TMEM51: variants seen among roughly 807,000 people sequenced by gnomAD.
TMEM51 encodes the protein transmembrane protein 51.
A neutral mutation model predicts 13.6 loss-of-function variants in TMEM51; 8 were observed. That is an observed-to-expected ratio of 0.59 (90% CI 0.35 to 1.07). The LOEUF (loss-of-function observed/expected upper bound fraction) is 1.07. TMEM51 is among the 50% of genes least tolerant of loss of function. The pLI, the probability that TMEM51 is intolerant of heterozygous loss-of-function variation, is 0.02. For synonymous variants in TMEM51, 147 were observed against 144.4 expected, an observed-to-expected ratio of 1.02 and a Z score of -0.13; for missense variants, 279 against 330.7, an observed-to-expected ratio of 0.84 and a Z score of 1.21.
chr1:15,204,292 G>A lies in TMEM51; in HGVS notation c.-266-6198G>A, dbSNP rs7544716. On this transcript the variant is annotated intron_variant, in intron 1 of 3. Coordinates refer to ENST00000376008, the MANE Select transcript of TMEM51 (RefSeq NM_001136218.2). ...ACCTAGGCTGGGTGAGGTGGCTCACGCCTGTAATCCCAGCACTTTGGGAGG... is the reference window on the plus strand; with the variant it reads ...ACCTAGGCTGGGTGAGGTGGCTCACACCTGTAATCCCAGCACTTTGGGAGG... 3.0e-3 allele frequency among the ~76,000 whole-genome samples: 454 copies of A among 152,340 alleles called. 3 individuals are homozygous for A. Among genetic ancestry groups the A allele is most frequent in the African/African-American group, 0.01 (434 of 41,580 alleles).
At chr1:15,155,870 A>T (rs1347501442) in intron 1 of TMEM51, among the ~76,000 whole-genome samples, 1 of 152,166 alleles carries the variant, frequency 6.6e-6, no homozygotes, top group African/African-American at 2.4e-5. Flanking sequence ...CCTTTCATTC[A>T]AGTTCTCTAA....
At chr1:15,216,628 G>A (rs1644436975) in intron 3 of TMEM51, among the ~76,000 whole-genome samples, 1 of 152,034 alleles carries the variant, frequency 6.6e-6, no homozygotes, top group African/African-American at 2.4e-5. Context: ...GTTTATCCCT[G>A]GGAGACAGTC....
At chr1:15,189,531 G>A (rs1643886231) in intron 1 of TMEM51, among the ~76,000 whole-genome samples, 1 of 152,188 alleles carries the variant, frequency 6.6e-6, no homozygotes, top group African/African-American at 2.4e-5. Context: ...CCAGAGGGTA[G>A]AGATGATGCT....
At chr1:15,158,851 G>A (rs956514857) in intron 1 of TMEM51, among the ~76,000 whole-genome samples, 2 of 152,148 alleles carry the variant, frequency 1.3e-5, no homozygotes, top group Admixed American at 6.5e-5. Flanking sequence ...GTGGTTTTCC[G>A]CTGGATTTTT....
At chr1:15,203,845 C>A (rs1327665379) in intron 1 of TMEM51, among the ~76,000 whole-genome samples, 2 of 152,182 alleles carry the variant, frequency 1.3e-5, no homozygotes, top group Non-Finnish European at 2.9e-5. Flanking sequence ...GATGACAGAG[C>A]TGAGACTGAG....
intron 3 of TMEM51, among the ~76,000 whole-genome samples, 168 bp from the exon 4 acceptor site, chr1:15,219,158 G>A (rs1644473095): frequency 6.6e-6 from 1 of 152,184 alleles, no homozygotes; most frequent in South Asian, 2.1e-4. Context: ...TACTTAGAAG[G>A]GAGCCCAGCT....
chr1:15,168,241 C>T (rs1457927332), intron 1 of TMEM51, among the ~76,000 whole-genome samples: 16 of 152,124 alleles, frequency 1.1e-4, no homozygotes, highest in Admixed American at 1.0e-3. Context: ...ACCCACTAAC[C>T]ACCTGAAATG....
At chr1:15,219,262 C>T (rs983713890) in intron 3 of TMEM51, 64 bp from the exon 4 acceptor site, 1 of 1,508,252 alleles carries the variant, frequency 6.6e-7, no homozygotes, top group African/African-American at 1.4e-5. Context: ...GAGCCCATCC[C>T]TTTGGGATTT....
intron 1 of TMEM51, among the ~76,000 whole-genome samples, chr1:15,204,338 G>A (rs1218555249): frequency 6.6e-6 from 1 of 152,104 alleles, no homozygotes; most frequent in Admixed American, 6.6e-5. Context: ...CGGATCACCT[G>A]AGGTCAGGAG....
intron 1 of TMEM51, among the ~76,000 whole-genome samples, chr1:15,169,124 T>C (rs16851354): frequency 0.23 from 35,367 of 152,088 alleles, 4,515 homozygotes; most frequent in African/African-American, 0.33. Context: ...TTAGCACTTC[T>C]TCTCCAAGAG....
intron 1 of TMEM51, among the ~76,000 whole-genome samples, chr1:15,155,695 G>T (rs1294568394): frequency 6.6e-6 from 1 of 152,150 alleles, no homozygotes; most frequent in Non-Finnish European, 1.5e-5. Context: ...TGCTCAGGCA[G>T]TGGAGGGTGT....
intron 1 of TMEM51, among the ~76,000 whole-genome samples, chr1:15,196,450 G>A (rs926551988): frequency 6.6e-6 from 1 of 152,044 alleles, no homozygotes; most frequent in African/African-American, 2.4e-5. Context: ...GGGGGAGGGA[G>A]AGAGAGCTAG....
intron 1 of TMEM51, among the ~76,000 whole-genome samples, chr1:15,181,843 A>G (rs1420380085): frequency 6.6e-6 from 1 of 152,112 alleles, no homozygotes; most frequent in East Asian, 1.9e-4. Context: ...ATGAAACTCC[A>G]CGAGGGCTGG....
chr1:15,182,545 G>T (rs1452328809), intron 1 of TMEM51, among the ~76,000 whole-genome samples: 1 of 152,178 alleles, frequency 6.6e-6, no homozygotes, highest in African/African-American at 2.4e-5. Context: ...TGAGCTTCAG[G>T]TTCTTCATTT....
chr1:15,171,363 A>AG (rs1051234106), intron 1 of TMEM51: 106 of 1,259,554 alleles, frequency 8.4e-5, no homozygotes, highest in African/African-American at 5.1e-4. Flanking sequence ...ATGCATTCAT[A>AG]GGGGGGGCGG....
intron 1 of TMEM51, among the ~76,000 whole-genome samples, chr1:15,162,864 A>C (rs1642833780): frequency 6.6e-6 from 1 of 151,998 alleles, no homozygotes; most frequent in Non-Finnish European, 1.5e-5. Context: ...GGGAAGAGGA[A>C]TGGGGAGTTA....
chr1:15,200,014 C>G (rs567501255), intron 1 of TMEM51, among the ~76,000 whole-genome samples: 3 of 152,052 alleles, frequency 2.0e-5, no homozygotes, highest in Non-Finnish European at 4.4e-5. Context: ...AGGGCCTAAG[C>G]GAAGCAAATG....
chr1:15,172,702 C>A (rs1419588128), intron 1 of TMEM51, among the ~76,000 whole-genome samples: 1 of 152,198 alleles, frequency 6.6e-6, no homozygotes, highest in Non-Finnish European at 1.5e-5. Flanking sequence ...TTACCCATAG[C>A]CAACTACAAT....
At chr1:15,214,130 C>T (rs1396189178) in intron 2 of TMEM51, among the ~76,000 whole-genome samples, 2 of 151,438 alleles carry the variant, frequency 1.3e-5, no homozygotes, top group South Asian at 2.1e-4. Context: ...GGATTACAGG[C>T]ATGAACTCTG....
Sources: gnomAD v4.1 joint callset for allele counts (sites outside exome capture counted in the v4.1 genomes callset) on GRCh38, gnomAD v4.1.1 for gene constraint, MANE v1.5 for transcripts, NCBI Gene and HGNC (gene_info 2026-07-23, HGNC 2026-07-21) for gene names.